HOMER3: variants seen among roughly 807,000 people sequenced by gnomAD.
HOMER3 encodes the protein homer scaffold protein 3.
In HOMER3, 34 loss-of-function variants were observed where a neutral mutation model predicts 45.5. The ratio of observed to expected loss-of-function variants is 0.75; its 90% confidence interval spans 0.57 to 1.00. The LOEUF (loss-of-function observed/expected upper bound fraction) is 1.00, where lower values mean the gene tolerates loss of function less well. Ranked by LOEUF, HOMER3 falls within the 50% of genes least tolerant of loss-of-function variation. The probability of loss-of-function intolerance (pLI) is 0.00; values close to 1 mark genes in which losing one functional copy is unlikely to be tolerated. For synonymous variants in HOMER3, 223 were observed against 208.8 expected (o/e 1.07, Z -0.58); for missense variants, 480 against 497.5 (o/e 0.96, Z 0.33).
intron 4 of HOMER3, among the ~76,000 whole-genome samples, 155 bp from the exon 5 acceptor site, chr19:18,934,565 A>T (rs2057071746): frequency 6.6e-6 from 1 of 152,202 alleles, no homozygotes; most frequent in Admixed American, 6.5e-5. Flanking sequence ...ATGATGTACC[A>T]TGGTGGGTGG....
At chr19:18,938,703 T>A in intron 3 of HOMER3, 25 bp downstream of exon 3, 1 of 1,571,702 alleles carries the variant, frequency 6.4e-7, no homozygotes, top group Non-Finnish European at 8.6e-7. Flanking sequence ...CTGGTGCCTC[T>A]GCCCCACCCA....
At chr19:18,938,225 A>T in intron 4 of HOMER3, 128 bp downstream of exon 4, 1 of 1,053,278 alleles carries the variant, frequency 9.5e-7, no homozygotes, top group Non-Finnish European at 1.4e-6. Flanking sequence ...TTCAGTCTCA[A>T]CTCATCCTAC....
Position 18,931,408 on chromosome 19 carries a change from T to G in HOMER3, c.811A>C (p.Ile271Leu). The change falls in exon 9 of 10, where the codon ATT becomes CTT. Residue 271 changes from isoleucine to leucine, a missense_variant. Transcript: ENST00000392351. ...EALVQTKDQE[I>L]QTLKSQTGGP... ...CCAGTCTGACTCTTCAGGGTCTGAA[T>G]CTCCTAGAGGAGAAGAGTTCCCAGG... The G allele has an allele frequency of 6.2e-7, 1 of 1,614,084 alleles. No homozygotes were observed.
intron 9 of HOMER3, 91 bp downstream of exon 9, chr19:18,931,234 A>G (rs2057028127): frequency 1.7e-6 from 2 of 1,181,782 alleles, no homozygotes; most frequent in Non-Finnish European, 1.2e-6. Context: ...GGGCCTCCCA[A>G]TACTTTATCA....
intron 7 of HOMER3, 23 bp downstream of exon 7, chr19:18,931,953 C>T: frequency 6.6e-7 from 1 of 1,507,012 alleles, no homozygotes; most frequent in Non-Finnish European, 8.9e-7. Flanking sequence ...GTGGGGGTCT[C>T]TCGGAGGGAG....
At position 18,933,024 on chromosome 19, in the gene HOMER3, T is replaced by A; in HGVS notation, c.433A>T (p.Ser145Cys). The A allele has an allele frequency of 2.0e-6, 3 of 1,488,830 alleles. No homozygotes were observed. The highest frequency in any genetic ancestry group is 2.7e-6 in the Non-Finnish European group (3 of 1,124,148). The allele number at this position is 1,488,830 out of a possible 1,614,324, so 92.2% of individuals were successfully genotyped here. ...TTTTCCTCGCCGGGGCCGTTGGCAC[T>A]GACGAGAGGGCTCGGGGGCACCTAG... Reference protein sequence around the residue: ...SHQVPPSPLVSANGPGEEKLF... With the variant: ...SHQVPPSPLVCANGPGEEKLF... Residue 145 changes from serine to cysteine, a missense_variant, in exon 6 of 10, where the codon AGT (serine) becomes TGT (cysteine). Physicochemically the swap from Ser to Cys is moderately radical, Grantham distance 112. Transcript: ENST00000392351.
chr19:18,932,477 G>A (rs2057047185), intron 6 of HOMER3, among the ~76,000 whole-genome samples: 1 of 152,072 alleles, frequency 6.6e-6, no homozygotes, highest in South Asian at 2.1e-4. Flanking sequence ...CGCAGGGCTG[G>A]GGATGTGGCG....
chr19:18,939,499 TAACTC>T (rs150695226), intron 1 of HOMER3: 4,007 of 153,256 alleles, frequency 0.026, 85 homozygotes, highest in Non-Finnish European at 0.04. Flanking sequence ...TTATTATAGA[TAACTC>T]AGAGCAAGCA....
rs1059240 is a variant in HOMER3, at chr19:18,929,503, G to C, written c.1026C>G (p.Ser342Arg). Residue 342 changes from serine (S) to arginine (R), a missense_variant, in exon 10 of 10, where the codon AGC (serine) becomes AGG (arginine). Coordinates refer to ENST00000392351, the MANE Select transcript of HOMER3 (RefSeq NM_004838.4). ...CACGCAGCTCACTCAGCTCAAACAGGCTGACGTCCAGCAGCTGCGCTGCCC... is the reference window on the plus strand; with the variant it reads ...CACGCAGCTCACTCAGCTCAAACAGCCTGACGTCCAGCAGCTGCGCTGCCC... ...VGRAAQLLDV[S>R]LFELSELREG... 1,590,301 of 1,590,304 alleles carry C rather than the reference G, an allele frequency of 1. 795,149 individuals are homozygous for C. The highest frequency in any genetic ancestry group is 1 in the Middle Eastern group (5,710 of 5,710).
intron 5 of HOMER3, among the ~76,000 whole-genome samples, chr19:18,934,062 A>C (rs999542891): frequency 6.6e-6 from 1 of 152,124 alleles, no homozygotes; most frequent in Non-Finnish European, 1.5e-5. Flanking sequence ...TGGTTTTGCT[A>C]CTGGGACCTA....
chr19:18,931,229 T>C, intron 9 of HOMER3, 96 bp downstream of exon 9: 1 of 1,125,186 alleles, frequency 8.9e-7, no homozygotes, highest in African/African-American at 1.5e-5. Context: ...GGACTGGGCC[T>C]CCCAATACTT....
At chr19:18,934,461 A>C (rs2057070753) in intron 4 of HOMER3, 51 bp from the exon 5 acceptor site, 2 of 1,172,198 alleles carry the variant, frequency 1.7e-6, no homozygotes, top group Non-Finnish European at 2.4e-6. Flanking sequence ...ATCCTCCCAA[A>C]CAGGTCACCA....
intron 4 of HOMER3, among the ~76,000 whole-genome samples, chr19:18,936,586 A>T (rs1222761503): frequency 6.6e-6 from 1 of 151,878 alleles, no homozygotes; most frequent in African/African-American, 2.4e-5. Flanking sequence ...GAATTGCTTG[A>T]ACCTGGAGAG....
At chr19:18,932,879 A>ACCCCCCCCCCCCCCCCCCC in intron 6 of HOMER3, 45 bp downstream of exon 6, 1 of 226,450 alleles carries the variant, frequency 4.4e-6, no homozygotes, top group Non-Finnish European at 8.4e-6. Context: ...CTCGTCCCCC[A>ACCCCCCCCCCCCCCCCCCC]CCCCTACCCC....
Position 18,931,583 on chromosome 19 carries a change from T to C in HOMER3, c.733A>G (p.Thr245Ala). The C allele has an allele frequency of 6.2e-7, 1 of 1,613,062 alleles. No homozygotes were observed. Among genetic ancestry groups the C allele is most frequent in the African/African-American group, 1.3e-5 (1 of 75,044 alleles). ...TGGCCCAGCCCCTCCTTCTCACCGG[T>C]GGGGGTCACCTCTGAAGCTGCCTGA... ...EAQAASEVTPTGEKEGLGQGQ... is the reference protein window; with the variant it reads ...EAQAASEVTPAGEKEGLGQGQ... Residue 245 changes from threonine (T) to alanine (A), a missense_variant, in exon 8 of 10, where the codon ACC (threonine) becomes GCC (alanine). Physicochemically the swap from Thr to Ala is moderately conservative, Grantham distance 58. Coordinates refer to ENST00000392351, the MANE Select transcript of HOMER3 (RefSeq NM_004838.4).
At chr19:18,938,913 G>T in intron 2 of HOMER3, 29 bp from the exon 3 acceptor site, 1 of 1,606,402 alleles carries the variant, frequency 6.2e-7, no homozygotes, top group Non-Finnish European at 8.5e-7. Context: ...TTTGGTGGGG[G>T]CCAGGCACCC....
At chr19:18,935,063 A>C (rs926512660) in intron 4 of HOMER3, among the ~76,000 whole-genome samples, 2 of 151,112 alleles carry the variant, frequency 1.3e-5, no homozygotes. Flanking sequence ...GCTGATCTTA[A>C]ATTCCCGGCT....
rs2057055335 is a variant in HOMER3 at position 18,933,015 on chromosome 19, C to T, written c.442G>A (p.Gly148Ser). The change falls in exon 6 of 10, where the codon GGC becomes AGC. Residue 148 changes from glycine to serine, a missense_variant. By Grantham distance (56) the Gly-to-Ser change is moderately conservative. Coordinates refer to ENST00000392351, the MANE Select transcript of HOMER3 (RefSeq NM_004838.4). ...CGGAACAGTTTTTCCTCGCCGGGGC[C>T]GTTGGCACTGACGAGAGGGCTCGGG... ...VPPSPLVSAN[G>S]PGEEKLFRSQ... 1 of 1,487,158 alleles carries T rather than the reference C, an allele frequency of 6.7e-7. No homozygotes were observed. 92.1% of individuals were successfully genotyped at this position (1,487,158 alleles called of 1,614,324 possible).
intron 4 of HOMER3, among the ~76,000 whole-genome samples, chr19:18,937,672 C>CAAAAAAA (rs398034178): frequency 1.6e-5 from 1 of 64,266 alleles, no homozygotes; most frequent in Non-Finnish European, 3.1e-5. Flanking sequence ...GCATTATCTC[C>CAAAAAAA]AAAAAAAAAA....
Sources: allele counts gnomAD v4.1 joint callset (sites outside exome capture counted in the v4.1 genomes callset), GRCh38; gene constraint gnomAD v4.1.1; transcripts MANE v1.5; gene names NCBI Gene and HGNC (gene_info 2026-07-23, HGNC 2026-07-21).